Variants in BLTP1 observed in about 807,000 individuals in gnomAD.
BLTP1 encodes the protein bridge-like lipid transfer protein family member 1.
chr4:122,313,644 C>T, the BLTP1 span: 2 of 1,588,024 alleles, frequency 1.3e-6, no homozygotes, highest in Non-Finnish European at 8.6e-7. Context: ...TTCCAGATGG[C>T]ACCTATGAAG....
the BLTP1 span, chr4:122,250,382 GT>G: frequency 1.9e-6 from 3 of 1,610,848 alleles, no homozygotes. Context: ...GTCTGGTGCT[GT>G]TTTATATAAC....
the BLTP1 span, chr4:122,221,752 T>G: frequency 1.0e-6 from 1 of 969,442 alleles, no homozygotes. Flanking sequence ...GAGGCAGGTA[T>G]GTGGAGAGGA....
the BLTP1 span, chr4:122,238,011 A>G: frequency 1.4e-6 from 2 of 1,424,738 alleles, no homozygotes; most frequent in Non-Finnish European, 9.4e-7. Flanking sequence ...ATTATACTTA[A>G]AAATGGATTA....
chr4:122,254,434 CT>C, the BLTP1 span: 2 of 1,327,074 alleles, frequency 1.5e-6, no homozygotes, highest in Non-Finnish European at 2.0e-6. Context: ...TTAAAAATTA[CT>C]TTTCTGGTAT....
chr4:122,291,298 G>C, the BLTP1 span, among the ~76,000 whole-genome samples: 12 of 152,186 alleles, frequency 7.9e-5, no homozygotes, highest in Non-Finnish European at 1.5e-4. Context: ...TGGCCACAGG[G>C]CCTGATGGCG....
the BLTP1 span, chr4:122,164,291 C>T: frequency 1.6e-6 from 1 of 614,088 alleles, no homozygotes; most frequent in Non-Finnish European, 2.0e-6. Flanking sequence ...TTCCCAACTA[C>T]AGCATCCTGT....
At chr4:122,343,693 C>T in the BLTP1 span, 482 of 1,429,738 alleles carry the variant, frequency 3.4e-4, 6 homozygotes, top group East Asian at 7.9e-3. Flanking sequence ...ATCATAAGGA[C>T]ATAGCCAAGA....
chr4:122,361,236 G>C, the BLTP1 span, among the ~76,000 whole-genome samples: 1 of 152,174 alleles, frequency 6.6e-6, no homozygotes, highest in Non-Finnish European at 1.5e-5. Flanking sequence ...CTGATAACAA[G>C]ACATGTGGCT....
the BLTP1 span, among the ~76,000 whole-genome samples, chr4:122,199,622 C>T: frequency 6.6e-6 from 1 of 152,112 alleles, no homozygotes; most frequent in East Asian, 1.9e-4. Context: ...GTTGGCATCT[C>T]TCTGTTGCTC....
the BLTP1 span, among the ~76,000 whole-genome samples, chr4:122,295,881 A>G: frequency 1.3e-5 from 2 of 152,216 alleles, no homozygotes; most frequent in African/African-American, 4.8e-5. Flanking sequence ...ATAAAACTCA[A>G]CATCCCTTCA....
At chr4:122,207,512 TTC>T in the BLTP1 span, 8 of 1,528,132 alleles carry the variant, frequency 5.2e-6, no homozygotes, top group South Asian at 1.3e-5. Flanking sequence ...TTACTTTTTC[TTC>T]TTTTTTTTTT....
At chr4:122,202,794 G>T in the BLTP1 span, among the ~76,000 whole-genome samples, 1 of 151,934 alleles carries the variant, frequency 6.6e-6, no homozygotes, top group Non-Finnish European at 1.5e-5. Flanking sequence ...AAACAGCTAA[G>T]TACACATTTC....
At chr4:122,286,439 G>A in the BLTP1 span, 1 of 1,540,790 alleles carries the variant, frequency 6.5e-7, no homozygotes, top group Non-Finnish European at 8.8e-7. Flanking sequence ...ATAGGTTTGG[G>A]AATATCCATG....
chr4:122,311,002 T>C, the BLTP1 span: 1 of 553,276 alleles, frequency 1.8e-6, no homozygotes, highest in Non-Finnish European at 2.3e-6. Context: ...CTAAAACATA[T>C]CTTTTGTTTT....
At chr4:122,230,077 G>A in the BLTP1 span, 1 of 1,614,154 alleles carries the variant, frequency 6.2e-7, no homozygotes, top group African/African-American at 1.3e-5. Flanking sequence ...CAGTGCTACG[G>A]AGGGCCTATT....
chr4:122,249,908 AAT>A, the BLTP1 span: 3 of 984,950 alleles, frequency 3.0e-6, no homozygotes, highest in Middle Eastern at 5.2e-4. Context: ...GAAAAACAAC[AAT>A]ATGTTTTTCC....
chr4:122,265,947 G>A, the BLTP1 span, among the ~76,000 whole-genome samples: 6 of 152,296 alleles, frequency 3.9e-5, no homozygotes, highest in South Asian at 1.0e-3. Flanking sequence ...ACCTGCCTTG[G>A]CCTCCCAAAG....
chr4:122,216,526 AT>A, the BLTP1 span, among the ~76,000 whole-genome samples: 1 of 151,910 alleles, frequency 6.6e-6, no homozygotes, highest in South Asian at 2.1e-4. Context: ...GATGTTGAAC[AT>A]TTTTCGTATG....
At chr4:122,266,854 G>T in the BLTP1 span, 1 of 1,611,894 alleles carries the variant, frequency 6.2e-7, no homozygotes, top group Non-Finnish European at 8.5e-7. Context: ...GCTACCGAAT[G>T]TACTTTGGAG....
Sources: allele counts gnomAD v4.1 joint callset (sites outside exome capture counted in the v4.1 genomes callset), GRCh38; gene constraint gnomAD v4.1.1; transcripts MANE v1.5; gene names NCBI Gene and HGNC (gene_info 2026-07-23, HGNC 2026-07-21).